Variants in ANK3 observed in about 807,000 individuals in gnomAD.
ANK3 encodes the protein ankyrin-3.
Under a neutral mutation model 370.9 loss-of-function variants are expected in ANK3, and 57 were observed. That is an observed-to-expected ratio of 0.15 (90% CI 0.12 to 0.19). ANK3 has a LOEUF of 0.19. Ranked by LOEUF, ANK3 falls within the 10% of genes least tolerant of loss-of-function variation. The probability of loss-of-function intolerance (pLI) is 1.00; values close to 1 mark genes in which losing one functional copy is unlikely to be tolerated. For missense variants in ANK3, 4,439 were observed against 5,302.1 expected (o/e 0.84, Z 5.06); for synonymous variants, 1,929 against 1,946.3 (o/e 0.99, Z 0.23).
Position 60,680,330 on chromosome 10 carries a change from G to A in ANK3, c.57+52933C>T, listed in dbSNP as rs920791995. ...CACCACAGTAATGGGTATGCCTTGA[G>A]GCCAGGGACAATGCAGTGAGGGCCA... is the stretch of plus-strand genomic sequence containing the variant. On this transcript the variant is annotated intron_variant, in intron 1 of 43. Transcript: ENST00000373827. Among the ~76,000 whole-genome samples, 30 of 152,206 alleles carry A rather than the reference G, an allele frequency of 2.0e-4. 1 individual carries two copies. The highest frequency in any genetic ancestry group is 1.3e-4 in the Admixed American group (2 of 15,292).
intron 42 of ANK3, among the ~76,000 whole-genome samples, chr10:60,046,004 G>A (rs985317625): frequency 2.0e-5 from 3 of 150,988 alleles, no homozygotes; most frequent in African/African-American, 7.3e-5. Flanking sequence ...CATTTAACTT[G>A]TTTTTCCTCA....
In ANK3 at chr10:60,602,988, A is replaced by T. The variant is rs540771321; in HGVS notation, c.96+12198T>A. On this transcript the variant is annotated intron_variant, in intron 2 of 43. Coordinates refer to the ANK3 transcript ENST00000373827. ...CATCAGGCTGCTAAAGGGATCTAAA[A>T]AAAGGGGGTCAGAATGAGAGTTTAG... Among the ~76,000 whole-genome samples the T allele has an allele frequency of 1.3e-4, 20 of 152,242 alleles. No individual in the cohort carries two copies. In the South Asian group the frequency reaches 1.7e-3, roughly 13 times the overall value.
At chr10:60,654,274 C>A (rs1275288407) in intron 1 of ANK3, among the ~76,000 whole-genome samples, 1 of 152,136 alleles carries the variant, frequency 6.6e-6, no homozygotes, top group African/African-American at 2.4e-5. Context: ...GACAGTTTTA[C>A]TTCTTTCCAA....
At chr10:60,238,305 A>G (rs1189652931) in intron 7 of ANK3, among the ~76,000 whole-genome samples, 1 of 152,204 alleles carries the variant, frequency 6.6e-6, no homozygotes, top group East Asian at 1.9e-4. Context: ...TAGAGCTCGA[A>G]AGCCTGCCTA....
intron 41 of ANK3, among the ~76,000 whole-genome samples, chr10:60,057,055 T>C (rs1275076735): frequency 6.6e-6 from 1 of 152,096 alleles, no homozygotes; most frequent in Non-Finnish European, 1.5e-5. Flanking sequence ...ACTGTGGTAT[T>C]CCCCCAAGTA....
rs779631156 is a variant in ANK3 at position 60,072,011 on chromosome 10, A to G, written c.8870T>C (p.Val2957Ala). The G allele has an allele frequency of 1.9e-6, 3 of 1,614,126 alleles. No individual in the cohort carries two copies. Among genetic ancestry groups the G allele is most frequent in the Non-Finnish European group, 2.5e-6 (3 of 1,180,000 alleles). ...AGCAACTCTGACGGGAATGTGTGAC[A>G]CTGCTGAGCTCTCGCTCCTCCTGGA... ...QPSRRSESSA[V>A]SHIPVRVADE... is the part of the protein sequence containing the mutation. The change falls in exon 37 of 44, where the codon GTG (valine) becomes GCG (alanine). Residue 2957 changes from valine to alanine, a missense_variant. Physicochemically the swap from Val to Ala is moderately conservative, Grantham distance 64. Around this residue, in one of 13 missense-constraint regions of ANK3, gnomAD observed 1,601 missense variants for 1,731.7 expected, o/e 0.92. Coordinates refer to ENST00000280772, the MANE Select transcript of ANK3 (RefSeq NM_020987.5).
At chr10:60,172,164 C>G in intron 21 of ANK3, 144 bp downstream of exon 21, 1 of 607,818 alleles carries the variant, frequency 1.6e-6, no homozygotes, top group East Asian at 2.8e-5. Context: ...GTTTTGCTAT[C>G]CTGACTACCA....
chr10:60,107,762 TGCGCAC>T (rs753440658), intron 27 of ANK3, among the ~76,000 whole-genome samples: 9 of 151,914 alleles, frequency 5.9e-5, no homozygotes, highest in Non-Finnish European at 1.0e-4. Context: ...CACACACACA[TGCGCAC>T]GCGCACACAC....
At chr10:60,356,754 G>A (rs2132718191) in intron 1 of ANK3, among the ~76,000 whole-genome samples, 1 of 152,302 alleles carries the variant, frequency 6.6e-6, no homozygotes, top group African/African-American at 2.4e-5. Flanking sequence ...TGTGACCCAG[G>A]CTGGAGTGCA....
chr10:60,277,993 T>A (rs993019793), intron 4 of ANK3, among the ~76,000 whole-genome samples: 2 of 152,210 alleles, frequency 1.3e-5, no homozygotes, highest in Admixed American at 6.5e-5. Flanking sequence ...ACTTGAATAA[T>A]GAGGACCTAT....
chr10:60,707,230 T>C (rs546550383), intron 1 of ANK3, among the ~76,000 whole-genome samples: 4 of 152,302 alleles, frequency 2.6e-5, no homozygotes, highest in African/African-American at 7.2e-5. Flanking sequence ...ATTAACAAGC[T>C]ACATAAAATC....
At chr10:60,278,537 A>C (rs1398027697) in intron 4 of ANK3, among the ~76,000 whole-genome samples, 1 of 151,786 alleles carries the variant, frequency 6.6e-6, no homozygotes, top group East Asian at 1.9e-4. Flanking sequence ...TGCCAGGCTA[A>C]TTTTTTTTAT....
chr10:60,638,477 A>G (rs919000650), intron 1 of ANK3, among the ~76,000 whole-genome samples: 1 of 152,158 alleles, frequency 6.6e-6, no homozygotes. Flanking sequence ...CCAGCATTCA[A>G]CAATATAAAA....
chr10:60,311,705 C>T (rs925121627), intron 1 of ANK3, among the ~76,000 whole-genome samples: 1 of 152,142 alleles, frequency 6.6e-6, no homozygotes, highest in African/African-American at 2.4e-5. Flanking sequence ...GTATTCCTCC[C>T]TCAGAGAATT....
intron 1 of ANK3, among the ~76,000 whole-genome samples, chr10:60,332,191 T>C (rs1236718491): frequency 1.3e-5 from 2 of 152,194 alleles, no homozygotes; most frequent in African/African-American, 4.8e-5. Context: ...CACATGCAAA[T>C]GGGCATGTTT....
intron 2 of ANK3, among the ~76,000 whole-genome samples, chr10:60,484,464 G>A: frequency 6.6e-6 from 1 of 152,154 alleles, no homozygotes; most frequent in East Asian, 1.9e-4. Flanking sequence ...TTAGAGATAT[G>A]TGGGAAAGAC....
chr10:60,673,945 A>G (rs2079093130), intron 1 of ANK3, among the ~76,000 whole-genome samples: 1 of 152,118 alleles, frequency 6.6e-6, no homozygotes, highest in Middle Eastern at 3.2e-3. Flanking sequence ...CTGGGTGCAA[A>G]GAGTCTTCAC....
At chr10:60,148,412 T>C (rs2094932995) in intron 23 of ANK3, among the ~76,000 whole-genome samples, 1 of 152,202 alleles carries the variant, frequency 6.6e-6, no homozygotes, top group Admixed American at 6.5e-5. Context: ...CTTTAGAAAC[T>C]ATATCTAGCC....
chr10:60,549,042 A>C (rs1425027732), intron 2 of ANK3, among the ~76,000 whole-genome samples: 1 of 152,116 alleles, frequency 6.6e-6, no homozygotes, highest in African/African-American at 2.4e-5. Flanking sequence ...GTAAGAAACC[A>C]AGCCTTTATT....
Sources: gnomAD v4.1 joint callset for allele counts (sites outside exome capture counted in the v4.1 genomes callset) on GRCh38, gnomAD v4.1.1 for gene constraint, gnomAD v4.1.1 regional missense constraint, MANE v1.5 for transcripts, NCBI Gene and HGNC (gene_info 2026-07-23, HGNC 2026-07-21) for gene names.